The following TAFA1 variants were observed in gnomAD, a reference collection of about 807,000 sequenced individuals.
The protein encoded by TAFA1 is chemokine-like protein TAFA-1.
TAFA1 carries 4 observed loss-of-function variants against 18.5 expected under a neutral mutation model. The ratio of observed to expected loss-of-function variants is 0.22; its 90% CI spans 0.11 to 0.49. The LOEUF (loss-of-function observed/expected upper bound fraction) is 0.49, where lower values mean the gene tolerates loss of function less well. Among genes scored for constraint, TAFA1 ranks in the 20% least tolerant of loss-of-function variants. The pLI is 0.98. For synonymous variants in TAFA1, 56 were observed against 55.2 expected (o/e 1.01, Z -0.06); for missense variants, 147 against 169.0 (o/e 0.87, Z 0.72).
intron 2 of TAFA1, among the ~76,000 whole-genome samples, chr3:68,253,252 T>A (rs2067230820): frequency 6.6e-6 from 1 of 152,248 alleles, no homozygotes; most frequent in South Asian, 2.1e-4. Context: ...GGTTGCTGTT[T>A]ATAATTCCCA....
rs1200688352 is a variant in TAFA1, at chr3:68,026,294, A to T, written c.118+19550A>T. ...TGACTGGTCCAGCAGCGGGGGAATGAGAGATCTTTTGCTGCTAAGGCTGAT... is the reference window on the plus strand; with the variant it reads ...TGACTGGTCCAGCAGCGGGGGAATGTGAGATCTTTTGCTGCTAAGGCTGAT... On this transcript the variant is annotated intron_variant, in intron 2 of 4. Coordinates refer to ENST00000478136, the MANE Select transcript of TAFA1 (RefSeq NM_213609.4). 2.0e-5 allele frequency among the ~76,000 whole-genome samples: 3 copies of T among 152,074 alleles called. No individual in the cohort carries two copies. The South Asian group carries it at 6.2e-4, about 32-fold the overall frequency.
chr3:68,312,455 A>AT, intron 2 of TAFA1, among the ~76,000 whole-genome samples: 1 of 152,158 alleles, frequency 6.6e-6, no homozygotes, highest in Admixed American at 6.5e-5. Flanking sequence ...CTGCTTAGAA[A>AT]TTTTTTCCAC....
At chr3:68,228,162 T>C (rs1382693972) in intron 2 of TAFA1, among the ~76,000 whole-genome samples, 2 of 152,202 alleles carry the variant, frequency 1.3e-5, no homozygotes, top group African/African-American at 2.4e-5. Context: ...AACAAGATAA[T>C]GCATGGAAAG....
At chr3:68,370,600 C>T (rs975228141) in intron 2 of TAFA1, among the ~76,000 whole-genome samples, 15 of 142,486 alleles carry the variant, frequency 1.1e-4, no homozygotes, top group Non-Finnish European at 1.5e-5. Flanking sequence ...GAATTGTTAA[C>T]TATTTAAGAA....
chr3:68,320,464 A>G (rs1336358429), intron 2 of TAFA1, among the ~76,000 whole-genome samples: 1 of 152,168 alleles, frequency 6.6e-6, no homozygotes, highest in African/African-American at 2.4e-5. Context: ...GTACTGGGAA[A>G]GGAGACTCAG....
At chr3:68,007,991 A>C (rs1328960837) in intron 2 of TAFA1, among the ~76,000 whole-genome samples, 2 of 152,328 alleles carry the variant, frequency 1.3e-5, no homozygotes, top group African/African-American at 2.4e-5. Flanking sequence ...GCGAGCGCGC[A>C]AGCCTGCTGG....
intron 3 of TAFA1, among the ~76,000 whole-genome samples, chr3:68,486,764 A>G (rs574531118): frequency 3.9e-5 from 6 of 152,272 alleles, no homozygotes; most frequent in Admixed American, 2.0e-4. Context: ...TCAGTTAATT[A>G]CCTGGATGTC....
chr3:68,469,659 T>G (rs2071958653), intron 3 of TAFA1, among the ~76,000 whole-genome samples: 1 of 151,874 alleles, frequency 6.6e-6, no homozygotes, highest in Non-Finnish European at 1.5e-5. Flanking sequence ...GGCAAGAGAG[T>G]GAGACTCTGT....
intron 2 of TAFA1, among the ~76,000 whole-genome samples, chr3:68,028,954 A>T (rs1339798229): frequency 6.6e-6 from 1 of 151,846 alleles, no homozygotes; most frequent in Non-Finnish European, 1.5e-5. Context: ...GGGTTTTGCC[A>T]TTTGCCCAGG....
chr3:68,396,031 A>G (rs549239780), intron 2 of TAFA1, among the ~76,000 whole-genome samples: 39 of 152,162 alleles, frequency 2.6e-4, no homozygotes, highest in South Asian at 1.7e-3. Context: ...CAACTTTGAT[A>G]TTAGCATTCT....
At chr3:68,505,884 C>T (rs2072741430) in intron 3 of TAFA1, among the ~76,000 whole-genome samples, 1 of 150,090 alleles carries the variant, frequency 6.7e-6, no homozygotes, top group South Asian at 2.1e-4. Flanking sequence ...TATTCTATTT[C>T]TTTTTTTTTT....
intron 3 of TAFA1, among the ~76,000 whole-genome samples, chr3:68,480,188 C>T (rs1282049965): frequency 8.7e-5 from 13 of 148,746 alleles, no homozygotes; most frequent in Middle Eastern, 3.6e-3. Context: ...GTCAGGAAAT[C>T]GAGACCATCC....
At chr3:68,038,684 TAAA>T (rs529207981) in intron 2 of TAFA1, among the ~76,000 whole-genome samples, 35 of 152,126 alleles carry the variant, frequency 2.3e-4, no homozygotes, top group Non-Finnish European at 4.3e-4. Context: ...AAAAAAACTT[TAAA>T]AAAACTATGC....
intron 2 of TAFA1, among the ~76,000 whole-genome samples, chr3:68,176,337 G>C (rs952370408): frequency 1.1e-4 from 16 of 152,188 alleles, no homozygotes; most frequent in African/African-American, 3.9e-4. Context: ...AAAAAACTAG[G>C]TGAGCATGGT....
chr3:68,037,308 A>C (rs1256261709), intron 2 of TAFA1, among the ~76,000 whole-genome samples: 1 of 152,158 alleles, frequency 6.6e-6, no homozygotes, highest in Non-Finnish European at 1.5e-5. Context: ...AGATGACGCC[A>C]AAGAGGAAAG....
chr3:68,084,747 G>A (rs1264767181), intron 2 of TAFA1, among the ~76,000 whole-genome samples: 2 of 150,846 alleles, frequency 1.3e-5, no homozygotes, highest in Admixed American at 6.6e-5. Flanking sequence ...GCAGCGAGCC[G>A]AGATAGCGCC....
chr3:68,395,938 T>TATAATAATA (rs533227192), intron 2 of TAFA1, among the ~76,000 whole-genome samples: 19 of 151,108 alleles, frequency 1.3e-4, no homozygotes, highest in African/African-American at 4.4e-4. Flanking sequence ...GAACTTAAAG[T>TATAATAATA]ATAATAATAA....
intron 2 of TAFA1, among the ~76,000 whole-genome samples, chr3:68,352,532 A>T (rs1170923691): frequency 6.6e-6 from 1 of 152,036 alleles, no homozygotes; most frequent in African/African-American, 2.4e-5. Flanking sequence ...TGAGCTGACA[A>T]GAGTTTTCTC....
chr3:68,061,638 G>C (rs2064603474), intron 2 of TAFA1, among the ~76,000 whole-genome samples: 1 of 152,206 alleles, frequency 6.6e-6, no homozygotes, highest in Non-Finnish European at 1.5e-5. Flanking sequence ...AGAATCACAG[G>C]TGCATTTTGC....
Sources: gnomAD v4.1 joint callset for allele counts (sites outside exome capture counted in the v4.1 genomes callset) on GRCh38, gnomAD v4.1.1 for gene constraint, MANE v1.5 for transcripts, NCBI Gene and HGNC (gene_info 2026-07-23, HGNC 2026-07-21) for gene names.